PRKCE: variants seen among roughly 807,000 people sequenced by gnomAD.
The protein encoded by PRKCE is protein kinase C epsilon.
A neutral mutation model predicts 85.4 loss-of-function variants in PRKCE; 16 were observed. The observed-to-expected ratio is 0.19, with a 90% CI of 0.13 to 0.28. The LOEUF is 0.28. PRKCE is among the 10% of genes least tolerant of loss of function. The pLI, the probability that PRKCE is intolerant of heterozygous loss-of-function variation, is 1.00. For missense variants in PRKCE, 573 were observed against 975.2 expected (o/e 0.59, Z 5.49); for synonymous variants, 388 against 371.5 (o/e 1.04, Z -0.51).
intron 2 of PRKCE, among the ~76,000 whole-genome samples, chr2:45,873,075 G>A (rs182878694): frequency 3.9e-5 from 6 of 152,320 alleles, no homozygotes; most frequent in Admixed American, 2.0e-4. Flanking sequence ...TCTGCTAAGG[G>A]CCTACCCAGA....
Position 45,774,981 on chromosome 2 carries a change from G to T in PRKCE, c.349-68019G>T, listed in dbSNP as rs770175621. ...ATAGTAAAATGACAATAGCAGCGTA[G>T]ACACTTCTCAGTTATTTACAAGTGG... On this transcript the variant is annotated intron_variant, in intron 1 of 14. Transcript: ENST00000306156. This position sits in a 1 kb window ranked among gnomAD's most constrained non-coding sequence, Gnocchi z 4.3. Among the ~76,000 whole-genome samples, 12 of 152,030 alleles carry T rather than the reference G, an allele frequency of 7.9e-5. No individual in the cohort carries two copies. The highest frequency in any genetic ancestry group is 1.2e-4 in the Non-Finnish European group (8 of 68,020).
intron 2 of PRKCE, among the ~76,000 whole-genome samples, chr2:45,892,790 G>A (rs1408832140): frequency 6.6e-6 from 1 of 152,240 alleles, no homozygotes; most frequent in East Asian, 1.9e-4. Context: ...GACACACACT[G>A]ATAGCAAATA....
chr2:45,749,258 C>T (rs1683365645), intron 1 of PRKCE, among the ~76,000 whole-genome samples: 1 of 152,168 alleles, frequency 6.6e-6, no homozygotes, highest in Non-Finnish European at 1.5e-5. Flanking sequence ...CTCAGAAAAG[C>T]CAATCTATTT....
At chr2:45,885,799 G>C (rs949890456) in intron 2 of PRKCE, among the ~76,000 whole-genome samples, 4 of 152,202 alleles carry the variant, frequency 2.6e-5, no homozygotes, top group Non-Finnish European at 5.9e-5. Context: ...AAATTTGTGG[G>C]TTTTGGGTGC....
chr2:45,871,754 G>A (rs71422182), intron 2 of PRKCE, among the ~76,000 whole-genome samples: 5,788 of 152,272 alleles, frequency 0.038, 126 homozygotes, highest in South Asian at 0.065. Context: ...TTTAAGGGAG[G>A]AGGACTGAAC....
At chr2:46,175,546 T>A (rs1679337943) in intron 14 of PRKCE, among the ~76,000 whole-genome samples, 2 of 152,194 alleles carry the variant, frequency 1.3e-5, no homozygotes, top group African/African-American at 4.8e-5. Flanking sequence ...ATTTTATGGA[T>A]GAGAAAATGG....
intron 5 of PRKCE, among the ~76,000 whole-genome samples, chr2:45,983,712 G>T (rs2104587147): frequency 6.6e-6 from 1 of 152,164 alleles, no homozygotes; most frequent in South Asian, 2.1e-4. Flanking sequence ...TGAGATAATG[G>T]TGCCTGGTGT....
intron 1 of PRKCE, among the ~76,000 whole-genome samples, chr2:45,726,827 TTGTAGGGTGGC>T (rs1245070096): frequency 9.2e-5 from 14 of 152,150 alleles, no homozygotes; most frequent in African/African-American, 2.4e-4. Context: ...CATAGAGGGC[TTGTAGGGTGGC>T]TGTAGGGTGG....
chr2:45,674,439 G>C (rs1267020590), intron 1 of PRKCE, among the ~76,000 whole-genome samples: 1 of 152,198 alleles, frequency 6.6e-6, no homozygotes, highest in Admixed American at 6.5e-5. Flanking sequence ...TGTCAAACCA[G>C]GTACTAACTG....
At position 45,884,997 on chromosome 2, in the gene PRKCE, A is replaced by ATTTTTTTTTT. The variant is rs1360794938; in HGVS notation, c.412+41935_412+41936insTTTTTTTTTT. On this transcript the variant is annotated intron_variant, in intron 2 of 14. Coordinates refer to ENST00000306156, the MANE Select transcript of PRKCE (RefSeq NM_005400.3). ...TATATATATATATATATATATATAT[A>ATTTTTTTTTT]TATATTTGTTGTTGTTGTTGTTGTT... Among the ~76,000 whole-genome samples, 24 of 69,622 alleles carry ATTTTTTTTTT rather than the reference A, an allele frequency of 3.4e-4. 2 individuals carry two copies. The highest frequency in any genetic ancestry group is 3.0e-3 in the East Asian group (5 of 1,686). 45.7% of individuals were successfully genotyped at this position (69,622 alleles called of 152,430 possible). A position where few individuals can be genotyped will look rare whatever the true frequency, so the allele number is the denominator to read the frequency against.
Position 45,907,585 on chromosome 2 carries a change from A to G in PRKCE, c.412+64522A>G, listed in dbSNP as rs113662084. On this transcript the variant is annotated intron_variant, in intron 2 of 14. Coordinates refer to ENST00000306156, the MANE Select transcript of PRKCE (RefSeq NM_005400.3). The surrounding 1 kb of genome is among the most constrained non-coding windows in gnomAD (Gnocchi z 4.5). ...GAGCGTGTGCCCAAGCCTGCTTCCC[A>G]TGTCACGTGTGTCATTTTCCCAGTG... 3.3e-4 allele frequency among the ~76,000 whole-genome samples: 51 copies of G among 152,244 alleles called. No individual in the cohort carries two copies. Among genetic ancestry groups the G allele is most frequent in the African/African-American group, 1.1e-3 (44 of 41,534 alleles).
At chr2:45,813,609 A>G (rs1688808888) in intron 1 of PRKCE, among the ~76,000 whole-genome samples, 1 of 152,188 alleles carries the variant, frequency 6.6e-6, no homozygotes. Flanking sequence ...TGAGGTCCAG[A>G]GAGGTGCAAG....
At chr2:46,162,497 G>C (rs1039120675) in intron 14 of PRKCE, among the ~76,000 whole-genome samples, 32 of 152,158 alleles carry the variant, frequency 2.1e-4, no homozygotes, top group African/African-American at 7.2e-4. Flanking sequence ...CACTCTCCCT[G>C]CCTCCCCAGA....
In PRKCE at chr2:46,145,810, G is replaced by T. The variant is rs1676018375; in HGVS notation, c.1731+579G>T. On this transcript the variant is annotated intron_variant, in intron 12 of 14. Transcript: ENST00000306156. The surrounding 1 kb of genome is among the most constrained non-coding windows in gnomAD (Gnocchi z 4.6). ...TTGAGCCCAGAAGGTTGAGGCTATA[G>T]TGAGCCATAATTGCACCATTGCACT... Among the ~76,000 whole-genome samples the T allele has an allele frequency of 1.3e-5, 2 of 152,108 alleles. No homozygotes were observed. Among genetic ancestry groups the T allele is most frequent in the Admixed American group, 1.3e-4 (2 of 15,272 alleles).
At chr2:45,936,682 G>A (rs980843803) in intron 2 of PRKCE, among the ~76,000 whole-genome samples, 7 of 152,184 alleles carry the variant, frequency 4.6e-5, no homozygotes, top group East Asian at 3.8e-4. Context: ...CTCTTTTTGC[G>A]TAATCTTTGA....
chr2:46,069,887 C>G (rs556981991), intron 10 of PRKCE, among the ~76,000 whole-genome samples: 1 of 152,132 alleles, frequency 6.6e-6, no homozygotes, highest in Non-Finnish European at 1.5e-5. Context: ...ATTTCCTAAG[C>G]TGGGAAGAAT....
intron 1 of PRKCE, among the ~76,000 whole-genome samples, chr2:45,739,174 C>T (rs775463961): frequency 3.9e-5 from 6 of 152,212 alleles, no homozygotes; most frequent in Non-Finnish European, 5.9e-5. Context: ...CAGAATGATA[C>T]GAGAGGGTAT....
At chr2:45,788,570 A>G (rs1347356833) in intron 1 of PRKCE, among the ~76,000 whole-genome samples, 1 of 152,046 alleles carries the variant, frequency 6.6e-6, no homozygotes. Context: ...CTACCCCTCC[A>G]TTGCCTCTAA....
At chr2:46,002,461 C>T (rs1318726886) in intron 7 of PRKCE, among the ~76,000 whole-genome samples, 1 of 152,212 alleles carries the variant, frequency 6.6e-6, no homozygotes, top group African/African-American at 2.4e-5. Context: ...AAGGCATTTC[C>T]TACATTTCCT....
Sources: gnomAD v4.1 joint callset for allele counts (sites outside exome capture counted in the v4.1 genomes callset) on GRCh38, gnomAD v4.1.1 for gene constraint, Gnocchi (gnomAD v3.1) non-coding constraint, MANE v1.5 for transcripts, NCBI Gene and HGNC (gene_info 2026-07-23, HGNC 2026-07-21) for gene names.